The following SSX3 variants were observed in gnomAD, a reference collection of about 807,000 sequenced individuals.
The protein encoded by SSX3 is SSX family member 3, also known as protein SSX3.
In SSX3, 6 loss-of-function variants were observed where a neutral mutation model predicts 14.8. The ratio of observed to expected loss-of-function variants is 0.41; its 90% confidence interval spans 0.22 to 0.80. The LOEUF is 0.80. Among genes scored for constraint, SSX3 ranks in the 30% least tolerant of loss-of-function variants. SSX3 has a pLI of 0.34. For synonymous variants in SSX3, 55 were observed against 52.9 expected, an observed-to-expected ratio of 1.04 and a Z score of -0.18; for missense variants, 163 against 152.2, an observed-to-expected ratio of 1.07 and a Z score of -0.37.
rs1226640987 is a variant in SSX3, at chrX:48,346,735, C to G, written c.*305G>C. ...TGCTGTTCCATGCAGAGGTAACTGACAATACTTGTTTTCTAAGGTAGGTGC... is the reference window on the plus strand; with the variant it reads ...TGCTGTTCCATGCAGAGGTAACTGAGAATACTTGTTTTCTAAGGTAGGTGC... On this transcript the variant is annotated 3_prime_UTR_variant, in exon 8 of 8. Transcript: ENST00000298396. 3 of 423,403 alleles carry G rather than the reference C, an allele frequency of 7.1e-6. No homozygotes were observed. The highest frequency in any genetic ancestry group is 1.2e-5 in the Non-Finnish European group (3 of 241,769). The allele number at this position is 423,403 out of a possible 1,213,427, so 34.9% of individuals were successfully genotyped here. A position where few individuals can be genotyped will look rare whatever the true frequency, so the allele number is the denominator to read the frequency against.
rs1268294371 is a variant in SSX3, at chrX:48,346,732, T to A, written c.*308A>T. ...TAATGCTGTTCCATGCAGAGGTAAC[T>A]GACAATACTTGTTTTCTAAGGTAGG... is the stretch of plus-strand genomic sequence containing the variant. On this transcript the variant is annotated 3_prime_UTR_variant, in exon 8 of 8. Transcript: ENST00000298396. 1.7e-5 allele frequency: 7 copies of A among 422,025 alleles called. No homozygotes were observed. The East Asian group carries it at 2.8e-4, about 17-fold the overall frequency. 34.8% of individuals were successfully genotyped at this position (422,025 alleles called of 1,213,427 possible). A position where few individuals can be genotyped will look rare whatever the true frequency, so the allele number is the denominator to read the frequency against.
chrX:48,350,835 A>G (rs1452329769), intron 5 of SSX3, among the ~76,000 whole-genome samples: 9 of 103,176 alleles, frequency 8.7e-5, no homozygotes, highest in Non-Finnish European at 1.8e-4. Context: ...CCGTGGCATG[A>G]TATCGGCTCA....
At chrX:48,349,147 G>C (rs5953224) in intron 6 of SSX3, among the ~76,000 whole-genome samples, 13,265 of 111,882 alleles carry the variant, frequency 0.12, 706 homozygotes, top group East Asian at 0.38. Context: ...AGAGGATTGA[G>C]TTCAACTTTG....
chrX:48,349,535 C>T (rs371610051), intron 6 of SSX3: 12 of 1,209,603 alleles, frequency 9.9e-6, no homozygotes, highest in Non-Finnish European at 1.2e-5. Context: ...ATGTGTGTGA[C>T]TCACTTTATT....
intron 6 of SSX3, chrX:48,348,121 A>G: frequency 3.1e-6 from 1 of 323,304 alleles, no homozygotes. Flanking sequence ...TTGTGGGTAC[A>G]CAGTAGGTGT....
At chrX:48,348,217 A>G in intron 6 of SSX3, 1 of 438,262 alleles carries the variant, frequency 2.3e-6, no homozygotes, top group Non-Finnish European at 4.1e-6. Flanking sequence ...ATCCATCCTC[A>G]AGCATTTATC....
chrX:48,352,051 C>A, intron 5 of SSX3, 49 bp downstream of exon 5: 1 of 1,186,341 alleles, frequency 8.4e-7, no homozygotes, highest in African/African-American at 1.7e-5. Flanking sequence ...TGTTCGCATC[C>A]TTGGAGGGAC....
chrX:48,353,055 A>G (rs1394075391), intron 4 of SSX3, among the ~76,000 whole-genome samples: 2 of 110,953 alleles, frequency 1.8e-5, no homozygotes, highest in Non-Finnish European at 3.8e-5. Flanking sequence ...TAAGATACCT[A>G]TCCAATACCT....
At chrX:48,351,927 G>T (rs1408720247) in intron 5 of SSX3, among the ~76,000 whole-genome samples, 173 bp downstream of exon 5, 21 of 112,147 alleles carry the variant, frequency 1.9e-4, no homozygotes, top group Non-Finnish European at 3.8e-4. Context: ...AAAGAGGTAT[G>T]AACAATCACA....
At chrX:48,349,255 ATTG>A (rs1217375169) in intron 6 of SSX3, among the ~76,000 whole-genome samples, 3 of 111,677 alleles carry the variant, frequency 2.7e-5, no homozygotes, top group East Asian at 5.6e-4. Flanking sequence ...GGCAAATTTC[ATTG>A]TTGTGTTCTT....
intron 6 of SSX3, chrX:48,348,241 C>T (rs184337982): frequency 2.2e-6 from 1 of 454,556 alleles, no homozygotes. Context: ...GCCTTACAAA[C>T]AATCCATTTA....
chrX:48,353,870 G>T, intron 4 of SSX3, 129 bp downstream of exon 4: 1 of 646,239 alleles, frequency 1.5e-6, no homozygotes, highest in Non-Finnish European at 2.5e-6. Context: ...CTTTCTGCAT[G>T]CAATTTTTTT....
intron 7 of SSX3, among the ~76,000 whole-genome samples, 188 bp downstream of exon 7, chrX:48,347,312 A>T (rs1480874889): frequency 8.9e-6 from 1 of 112,600 alleles, no homozygotes; most frequent in Non-Finnish European, 1.9e-5. Context: ...GGTAGGGAGC[A>T]TCCCTGGATA....
intron 5 of SSX3, among the ~76,000 whole-genome samples, chrX:48,350,898 G>A (rs2061259904): frequency 9.2e-6 from 1 of 108,490 alleles, no homozygotes; most frequent in Non-Finnish European, 1.9e-5. Flanking sequence ...AGCCTCCAGA[G>A]TATCTGGGAC....
chrX:48,346,601 GT>G lies in SSX3; in HGVS notation c.*438del, dbSNP rs2061240529. 1 of 294,568 alleles carries G rather than the reference GT, an allele frequency of 3.4e-6. No homozygotes were observed. Among genetic ancestry groups the G allele is most frequent in the Non-Finnish European group, 6.1e-6 (1 of 163,969 alleles). 24.3% of individuals were successfully genotyped at this position (294,568 alleles called of 1,213,427 possible). ...TTGGTGTGTGTCTGTGTGTGTGTGT[GT>G]GTGTGTGTGGTGTGGTTTGTGTGTG... On this transcript the variant is annotated 3_prime_UTR_variant, in exon 8 of 8. Coordinates refer to ENST00000298396, the MANE Select transcript of SSX3 (RefSeq NM_021014.4).
intron 7 of SSX3, 138 bp downstream of exon 7, chrX:48,347,362 T>C (rs1224559638): frequency 4.2e-6 from 4 of 962,945 alleles, no homozygotes; most frequent in Non-Finnish European, 1.5e-6. Flanking sequence ...GGAAATCTCA[T>C]CATTCAGCCT....
At chrX:48,348,216 C>T (rs2061246783) in intron 6 of SSX3, 11 of 437,539 alleles carry the variant, frequency 2.5e-5, no homozygotes, top group Non-Finnish European at 3.7e-5. Context: ...TATCCATCCT[C>T]AAGCATTTAT....
chrX:48,352,189 G>A (rs2061266370), intron 4 of SSX3, 40 bp from the exon 5 acceptor site: 1 of 1,185,925 alleles, frequency 8.4e-7, no homozygotes, highest in Non-Finnish European at 1.1e-6. Flanking sequence ...TGTTGGTAAA[G>A]GTTTCCAAAC....
At chrX:48,350,393 G>A (rs1556949460) in intron 5 of SSX3, among the ~76,000 whole-genome samples, 1 of 111,467 alleles carries the variant, frequency 9.0e-6, no homozygotes, top group African/African-American at 3.3e-5. Flanking sequence ...CCATTTAATT[G>A]AGAGTGTGAT....
Sources: allele counts gnomAD v4.1 joint callset (sites outside exome capture counted in the v4.1 genomes callset), GRCh38; gene constraint gnomAD v4.1.1; transcripts MANE v1.5; gene names NCBI Gene and HGNC (gene_info 2026-07-23, HGNC 2026-07-21).